ANKFN1: variants seen among roughly 807,000 people sequenced by gnomAD.
ANKFN1 encodes the protein ankyrin repeat and fibronectin type-III domain-containing protein 1.
In ANKFN1, 74 loss-of-function variants were observed where a neutral mutation model predicts 108.7. The ratio of observed to expected loss-of-function variants is 0.68; its 90% CI spans 0.56 to 0.83. The LOEUF (loss-of-function observed/expected upper bound fraction) is 0.83. ANKFN1 is among the 40% of genes least tolerant of loss of function. The pLI is 0.00. For missense variants in ANKFN1, 1,505 were observed against 1,382.3 expected (o/e 1.09, Z -1.41); for synonymous variants, 547 against 516.2 (o/e 1.06, Z -0.81).
chr17:56,455,434 A>G (rs1568014799), intron 11 of ANKFN1, among the ~76,000 whole-genome samples: 1 of 152,200 alleles, frequency 6.6e-6, no homozygotes, highest in Non-Finnish European at 1.5e-5. Flanking sequence ...GTAAGCTTGA[A>G]ACTGGCATGA....
intron 15 of ANKFN1, among the ~76,000 whole-genome samples, chr17:56,477,262 T>C (rs533583741): frequency 6.6e-6 from 1 of 152,064 alleles, no homozygotes; most frequent in Non-Finnish European, 1.5e-5. Flanking sequence ...AATAAGCATA[T>C]AGAATATATT....
intron 1 of ANKFN1, among the ~76,000 whole-genome samples, chr17:56,203,323 G>A (rs1018753083): frequency 1.3e-5 from 2 of 152,110 alleles, no homozygotes; most frequent in Admixed American, 6.5e-5. Flanking sequence ...TTTAATAAGG[G>A]ACATAATGAA....
chr17:56,168,038 G>A (rs377257696), intron 1 of ANKFN1, among the ~76,000 whole-genome samples: 7 of 152,154 alleles, frequency 4.6e-5, no homozygotes, highest in African/African-American at 1.4e-4. Flanking sequence ...AGGCAAAGGC[G>A]GGCAGATCAC....
chr17:56,319,211 C>T (rs1429969394), intron 3 of ANKFN1, among the ~76,000 whole-genome samples: 2 of 152,106 alleles, frequency 1.3e-5, no homozygotes, highest in Non-Finnish European at 2.9e-5. Context: ...TTCCAGCTTC[C>T]GTGCCTACTG....
At chr17:56,071,595 A>G (rs1332384383) in intron 4 of ANKFN1, among the ~76,000 whole-genome samples, 3 of 152,224 alleles carry the variant, frequency 2.0e-5, no homozygotes, top group Non-Finnish European at 4.4e-5. Context: ...CTGCCTGTAA[A>G]GTGGACAAAA....
At chr17:56,420,359 A>C (rs776615143) in intron 8 of ANKFN1, among the ~76,000 whole-genome samples, 1 of 152,226 alleles carries the variant, frequency 6.6e-6, no homozygotes, top group African/African-American at 2.4e-5. Context: ...TATGAGGTCT[A>C]TGGCAAATAG....
chr17:56,264,260 T>C (rs1226909995), intron 3 of ANKFN1, among the ~76,000 whole-genome samples: 1 of 152,234 alleles, frequency 6.6e-6, no homozygotes, highest in East Asian at 1.9e-4. Context: ...ACTCATATGC[T>C]GGAGCCTCTT....
rs1035832439 is a variant in ANKFN1, at chr17:56,280,185, C to A, written c.54-46036C>A. 2.0e-5 allele frequency among the ~76,000 whole-genome samples: 3 copies of A among 151,558 alleles called. No homozygotes were observed. In the East Asian group the frequency reaches 5.8e-4, roughly 29 times the overall value. ...CCACCATGCCCAGCTCATTTTTCGT[C>A]TTTTATGTATAGAAATATATATATA... On this transcript the variant is annotated intron_variant, in intron 3 of 20. Coordinates refer to ENST00000682825, the MANE Select transcript of ANKFN1 (RefSeq NM_001370326.1).
At chr17:56,167,929 T>C (rs1910311215) in intron 1 of ANKFN1, among the ~76,000 whole-genome samples, 1 of 152,136 alleles carries the variant, frequency 6.6e-6, no homozygotes, top group African/African-American at 2.4e-5. Flanking sequence ...GGCTTCCACA[T>C]ACTCAGAAAG....
At chr17:56,441,235 C>T (rs1044176002) in intron 9 of ANKFN1, among the ~76,000 whole-genome samples, 6 of 151,880 alleles carry the variant, frequency 4.0e-5, no homozygotes, top group Non-Finnish European at 8.8e-5. Flanking sequence ...TATTTAATAT[C>T]TTAGGACCTT....
chr17:56,055,566 C>CACATATATATATATATAT (rs1555588767), intron 4 of ANKFN1, among the ~76,000 whole-genome samples: 4 of 47,456 alleles, frequency 8.4e-5, no homozygotes, highest in African/African-American at 5.3e-4. Context: ...GGTATATATA[C>CACATATATATATATATAT]ATATATATAT....
chr17:56,073,843 C>T (rs993209005), intron 4 of ANKFN1, among the ~76,000 whole-genome samples: 1 of 152,160 alleles, frequency 6.6e-6, no homozygotes, highest in East Asian at 1.9e-4. Context: ...ATCAGTAGTC[C>T]GTTCCTTTTA....
In ANKFN1 at chr17:56,350,860, C is replaced by T. The variant is rs368152107; in HGVS notation, c.283C>T (p.Arg95Cys). ...SAPSSPNAAK[R>C]LYRNLSEKLK... Reference sequence around the variant, plus strand: ...TCCCTCATCTCCCAACGCAGCCAAACGCCTGTACAGGAACCTCTCTGAGAA... The same window carrying T: ...TCCCTCATCTCCCAACGCAGCCAAATGCCTGTACAGGAACCTCTCTGAGAA... The change falls in exon 5 of 21, where the codon CGC (arginine) becomes TGC (cysteine). Residue 95 changes from arginine to cysteine, a missense_variant. By Grantham distance (180) the Arg-to-Cys change is radical. Coordinates refer to ENST00000682825, the MANE Select transcript of ANKFN1 (RefSeq NM_001370326.1). 3.4e-5 allele frequency: 55 copies of T among 1,613,828 alleles called. No homozygotes were observed. In the Admixed American group the frequency reaches 4.8e-4, roughly 14 times the overall value.
At chr17:56,082,282 G>GTTTTGTTTTTGT (rs71137193) in intron 4 of ANKFN1, among the ~76,000 whole-genome samples, 2 of 150,614 alleles carry the variant, frequency 1.3e-5, no homozygotes, top group East Asian at 3.9e-4. Context: ...TTGTTGTTTT[G>GTTTTGTTTTTGT]TTTTGTTTTT....
intron 9 of ANKFN1, among the ~76,000 whole-genome samples, chr17:56,441,827 A>C (rs1339411537): frequency 1.3e-5 from 2 of 152,204 alleles, no homozygotes; most frequent in African/African-American, 4.8e-5. Flanking sequence ...ACCCATTTTC[A>C]ACATTAAAAC....
chr17:56,439,985 G>A (rs1370452642), intron 8 of ANKFN1, among the ~76,000 whole-genome samples: 1 of 151,864 alleles, frequency 6.6e-6, no homozygotes, highest in Non-Finnish European at 1.5e-5. Flanking sequence ...TGTTTATATG[G>A]CAATGGTCTC....
chr17:56,090,195 G>T (rs1257519016), intron 4 of ANKFN1, among the ~76,000 whole-genome samples: 1 of 151,224 alleles, frequency 6.6e-6, no homozygotes, highest in African/African-American at 2.4e-5. Context: ...GAAATGGGGC[G>T]CTGTATAGTG....
chr17:56,289,518 G>T (rs1351380364), intron 3 of ANKFN1, among the ~76,000 whole-genome samples: 1 of 152,158 alleles, frequency 6.6e-6, no homozygotes, highest in Non-Finnish European at 1.5e-5. Flanking sequence ...ACAGGGCAGG[G>T]CATCTCAATT....
intron 6 of ANKFN1, among the ~76,000 whole-genome samples, chr17:56,355,285 T>C (rs1215168346): frequency 6.6e-6 from 1 of 152,170 alleles, no homozygotes; most frequent in African/African-American, 2.4e-5. Context: ...GAAAAGCCTC[T>C]CTGATGTGGT....
Sources: gnomAD v4.1 joint callset for allele counts (sites outside exome capture counted in the v4.1 genomes callset) on GRCh38, gnomAD v4.1.1 for gene constraint, MANE v1.5 for transcripts, NCBI Gene and HGNC (gene_info 2026-07-23, HGNC 2026-07-21) for gene names.